C9: variants seen among roughly 807,000 people sequenced by gnomAD.
The protein encoded by C9 is complement C9, also known as complement component C9.
Under a neutral mutation model 65.4 loss-of-function variants are expected in C9, and 63 were observed. The ratio of observed to expected loss-of-function variants is 0.96; its 90% CI spans 0.79 to 1.19. The LOEUF is 1.19. Ranked by LOEUF, C9 falls within the 50% of genes most tolerant of loss-of-function variation. The pLI is 0.00. For synonymous variants in C9, 229 were observed against 227.9 expected, an observed-to-expected ratio of 1.00 and a Z score of -0.04; for missense variants, 744 against 670.1, an observed-to-expected ratio of 1.11 and a Z score of -1.22.
rs575787278 is a variant in C9, at chr5:39,329,363, G to A, written c.615+2313C>T. Among the ~76,000 whole-genome samples, 3 of 152,304 alleles carry A rather than the reference G, an allele frequency of 2.0e-5. No individual in the cohort carries two copies. In the East Asian group the frequency reaches 5.8e-4, roughly 29 times the overall value. On this transcript the variant is annotated intron_variant, in intron 5 of 10. Transcript: ENST00000263408. Reference sequence around the variant, plus strand: ...TTGCTATATGCCAGTGACTTTCTGAGTGTTTCACATATTTAGACCCATTTA... The same window carrying A: ...TTGCTATATGCCAGTGACTTTCTGAATGTTTCACATATTTAGACCCATTTA...
At chr5:39,336,906 G>A (rs1463449350) in intron 4 of C9, among the ~76,000 whole-genome samples, 1 of 151,848 alleles carries the variant, frequency 6.6e-6, no homozygotes, top group Non-Finnish European at 1.5e-5. Context: ...TTTCAGTGTT[G>A]ATAAAAAGAA....
At chr5:39,329,283 A>G (rs1753804007) in intron 5 of C9, among the ~76,000 whole-genome samples, 1 of 152,196 alleles carries the variant, frequency 6.6e-6, no homozygotes, top group Admixed American at 6.5e-5. Context: ...AGCTTTGGCT[A>G]AGTCTTTAAC....
chr5:39,351,072 G>T (rs1754313414), intron 1 of C9, among the ~76,000 whole-genome samples: 1 of 152,150 alleles, frequency 6.6e-6, no homozygotes, highest in South Asian at 2.1e-4. Context: ...CTGTGCACCT[G>T]CAGGCCCAAC....
chr5:39,297,917 A>G (rs1753213434), intron 9 of C9, among the ~76,000 whole-genome samples: 1 of 151,700 alleles, frequency 6.6e-6, no homozygotes, highest in Non-Finnish European at 1.5e-5. Flanking sequence ...ACATAGGCAT[A>G]TCTATGCCTT....
chr5:39,313,629 T>C (rs147832009), intron 6 of C9, among the ~76,000 whole-genome samples: 5 of 152,300 alleles, frequency 3.3e-5, no homozygotes, highest in African/African-American at 2.4e-5. Context: ...TAGACCACAC[T>C]CTAAGTAGCA....
intron 10 of C9, among the ~76,000 whole-genome samples, chr5:39,288,384 A>G (rs1273853861): frequency 6.6e-6 from 1 of 151,872 alleles, no homozygotes. Flanking sequence ...TGCAAAGTGT[A>G]TATGATATAT....
intron 10 of C9, 104 bp from the exon 11 acceptor site, chr5:39,285,337 T>G: frequency 1.2e-6 from 1 of 848,106 alleles, no homozygotes; most frequent in South Asian, 1.4e-5. Flanking sequence ...TGCACCACGT[T>G]GTGCCATACT....
At chr5:39,347,142 A>T (rs1273923942) in intron 1 of C9, among the ~76,000 whole-genome samples, 3 of 152,178 alleles carry the variant, frequency 2.0e-5, no homozygotes, top group Non-Finnish European at 4.4e-5. Context: ...CACCACCCCT[A>T]TTCAACATAG....
intron 9 of C9, among the ~76,000 whole-genome samples, chr5:39,299,654 TA>T (rs1753248206): frequency 6.6e-6 from 1 of 152,094 alleles, no homozygotes; most frequent in South Asian, 2.1e-4. Context: ...AGTGGTTATG[TA>T]GAAGTGGGGC....
intron 1 of C9, among the ~76,000 whole-genome samples, chr5:39,353,435 C>T (rs1418039337): frequency 2.6e-5 from 4 of 152,216 alleles, no homozygotes; most frequent in Non-Finnish European, 4.4e-5. Flanking sequence ...GCTCCAGCTA[C>T]ACTGAACATT....
chr5:39,322,987 G>C (rs1164638807), intron 5 of C9, among the ~76,000 whole-genome samples: 1 of 151,998 alleles, frequency 6.6e-6, no homozygotes, highest in Admixed American at 6.6e-5. Flanking sequence ...AGGGACAGCT[G>C]TACAACTGAT....
chr5:39,319,216 C>T (rs1488290664), intron 5 of C9, among the ~76,000 whole-genome samples: 1 of 152,198 alleles, frequency 6.6e-6, no homozygotes, highest in African/African-American at 2.4e-5. Flanking sequence ...ATTTTTGCTA[C>T]AAGCTTTTCT....
rs749020251 is a variant in C9 at position 39,285,137 on chromosome 5, G to C, written c.*62C>G. Reference sequence around the variant, plus strand: ...ACTTGGCAGCTAAGATTATCTTCAGGGGTAGGATCTGAAGGTACTAGTGTT... The same window carrying C: ...ACTTGGCAGCTAAGATTATCTTCAGCGGTAGGATCTGAAGGTACTAGTGTT... On this transcript the variant is annotated 3_prime_UTR_variant, in exon 11 of 11. Transcript: ENST00000263408. 5 of 1,304,254 alleles carry C rather than the reference G, an allele frequency of 3.8e-6. No homozygotes were observed. The highest frequency in any genetic ancestry group is 5.6e-6 in the Non-Finnish European group (5 of 897,468). The allele number at this position is 1,304,254 out of a possible 1,614,324, so 80.8% of individuals were successfully genotyped here. A position where few individuals can be genotyped will look rare whatever the true frequency, so the allele number is the denominator to read the frequency against.
intron 1 of C9, among the ~76,000 whole-genome samples, chr5:39,359,108 A>G (rs1424882568): frequency 1.8e-4 from 22 of 125,516 alleles, no homozygotes; most frequent in South Asian, 2.7e-4. Flanking sequence ...GTGTGTATAT[A>G]TATATATATA....
intron 10 of C9, among the ~76,000 whole-genome samples, chr5:39,287,841 G>A (rs1471151859): frequency 6.6e-6 from 1 of 151,858 alleles, no homozygotes; most frequent in Non-Finnish European, 1.5e-5. Context: ...AGGATGGGAG[G>A]GGGATGAGGG....
chr5:39,342,052 A>G (rs750405304), intron 2 of C9, 39 bp downstream of exon 2: 1 of 1,131,556 alleles, frequency 8.8e-7, no homozygotes, highest in Admixed American at 1.7e-5. Context: ...TACAGTTTCC[A>G]TTTGGGGAGG....
At chr5:39,298,908 T>A (rs1231855421) in intron 9 of C9, among the ~76,000 whole-genome samples, 1 of 151,794 alleles carries the variant, frequency 6.6e-6, no homozygotes. Flanking sequence ...ATAATCAATA[T>A]CATTCACCAT....
intron 9 of C9, among the ~76,000 whole-genome samples, chr5:39,290,019 C>T (rs929928953): frequency 6.6e-6 from 1 of 151,830 alleles, no homozygotes; most frequent in Non-Finnish European, 1.5e-5. Flanking sequence ...TACACAGTTG[C>T]TACACTGAAA....
In C9 at chr5:39,295,592, C is replaced by T. The variant is rs1753171686; in HGVS notation, c.1417-6641G>A. Reference sequence around the variant, plus strand: ...TCCCATGCTCCAGGCTTCGGCCTTACTACCAAAAACAATCTACAGATTCAG... The same window carrying T: ...TCCCATGCTCCAGGCTTCGGCCTTATTACCAAAAACAATCTACAGATTCAG... On this transcript the variant is annotated intron_variant, in intron 9 of 10. Transcript: ENST00000263408. 2.0e-5 allele frequency among the ~76,000 whole-genome samples: 3 copies of T among 151,512 alleles called. 1 individual carries two copies. The highest frequency in any genetic ancestry group is 2.0e-4 in the Admixed American group (3 of 15,176).
Sources: gnomAD v4.1 joint callset for allele counts (sites outside exome capture counted in the v4.1 genomes callset) on GRCh38, gnomAD v4.1.1 for gene constraint, MANE v1.5 for transcripts, NCBI Gene and HGNC (gene_info 2026-07-23, HGNC 2026-07-21) for gene names.